The following RFK variants were observed in gnomAD, a reference collection of about 807,000 sequenced individuals.
The protein encoded by RFK is 0610038L10Rik.
In RFK, 4 loss-of-function variants were observed where a neutral mutation model predicts 17.6. That is an observed-to-expected ratio of 0.23 (90% CI 0.11 to 0.52). The LOEUF is 0.52. RFK is among the 20% of genes least tolerant of loss of function. The pLI, the probability that RFK is intolerant of heterozygous loss-of-function variation, is 0.96. For missense variants in RFK, 189 were observed against 187.7 expected, an observed-to-expected ratio of 1.01 and a Z score of -0.04; for synonymous variants, 59 against 63.8, an observed-to-expected ratio of 0.92 and a Z score of 0.36.
Position 76,394,347 on chromosome 9 carries a change from G to A in RFK, c.-176C>T, listed in dbSNP as rs1822863762. ...CCACAGGCCACTGCGAATCCCTGAC[G>A]CCGCCGACCCAACAAATACCGCCGG... On this transcript the variant is annotated 5_prime_UTR_variant, in exon 1 of 4. Coordinates refer to ENST00000376736, the MANE Select transcript of RFK (RefSeq NM_018339.6). 7.3e-6 allele frequency: 4 copies of A among 544,484 alleles called. No individual in the cohort carries two copies. Among genetic ancestry groups the A allele is most frequent in the African/African-American group, 6.1e-5 (3 of 49,396 alleles). 33.7% of individuals were successfully genotyped at this position (544,484 alleles called of 1,614,324 possible).
chr9:76,385,899 T>C lies in RFK; in HGVS notation c.*1500A>G, dbSNP rs1045526132. On this transcript the variant is annotated 3_prime_UTR_variant, in exon 4 of 4. Transcript: ENST00000376736. ...AAAAACTGTTTTTGACATATTTTTA[T>C]AAAGAAATAAAAAGCAAAACGCAAT... 3 of 152,216 alleles carry C rather than the reference T, an allele frequency of 2.0e-5. No individual in the cohort carries two copies. Among genetic ancestry groups the C allele is most frequent in the Non-Finnish European group, 4.4e-5 (3 of 68,036 alleles). 9.4% of individuals were successfully genotyped at this position (152,216 alleles called of 1,614,324 possible). A position where few individuals can be genotyped will look rare whatever the true frequency, so the allele number is the denominator to read the frequency against.
chr9:76,390,726 C>CA (rs1554728131), intron 2 of RFK, among the ~76,000 whole-genome samples: 10 of 125,606 alleles, frequency 8.0e-5, no homozygotes, highest in East Asian at 3.7e-4. Flanking sequence ...AAAAAAAAAA[C>CA]CACACACACA....
chr9:76,390,131 A>G (rs1412114016), intron 2 of RFK, among the ~76,000 whole-genome samples: 1 of 152,232 alleles, frequency 6.6e-6, no homozygotes, highest in African/African-American at 2.4e-5. Flanking sequence ...TTGTGAAAGC[A>G]TGGTATTTTC....
intron 2 of RFK, among the ~76,000 whole-genome samples, chr9:76,390,828 G>GT (rs978726872): frequency 7.3e-6 from 1 of 137,000 alleles, no homozygotes; most frequent in Non-Finnish European, 1.6e-5. Context: ...TTTAAGGTCA[G>GT]TAAGATAACG....
At chr9:76,390,745 G>A (rs1229834939) in intron 2 of RFK, among the ~76,000 whole-genome samples, 2 of 129,696 alleles carry the variant, frequency 1.5e-5, no homozygotes, top group Non-Finnish European at 3.3e-5. Context: ...CACACACAAT[G>A]AAAGAAATTT....
chr9:76,393,874 C>T (rs1317782725), intron 1 of RFK: 1 of 553,266 alleles, frequency 1.8e-6, no homozygotes, highest in Non-Finnish European at 3.2e-6. Context: ...CACCCCTCAA[C>T]CCCGTCCCCG....
At position 76,392,597 on chromosome 9, in the gene RFK, T is replaced by C. The variant is rs757250340; in HGVS notation, c.83-28A>G. ...AAACAACAGAAGAAAATATTTTGAGTCTTACAAATTTCGTATTAAATGCCT... is the reference window on the plus strand; with the variant it reads ...AAACAACAGAAGAAAATATTTTGAGCCTTACAAATTTCGTATTAAATGCCT... On this transcript the variant is annotated intron_variant, in intron 1 of 3. Transcript: ENST00000376736. 6 of 1,612,572 alleles carry C rather than the reference T, an allele frequency of 3.7e-6. No homozygotes were observed. In the South Asian group the frequency reaches 6.6e-5, roughly 18 times the overall value.
At chr9:76,387,791 G>A (rs1052886024) in intron 3 of RFK, 26 of 298,988 alleles carry the variant, frequency 8.7e-5, no homozygotes, top group African/African-American at 6.5e-5. Flanking sequence ...CCTGAAGTCC[G>A]GAGTTCGAGA....
intron 3 of RFK, 181 bp downstream of exon 3, chr9:76,388,373 T>C (rs988716335): frequency 2.3e-5 from 15 of 643,450 alleles, no homozygotes; most frequent in Non-Finnish European, 3.9e-5. Context: ...ATCTGAGAAA[T>C]AGGCAAAATA....
Position 76,388,600 on chromosome 9 carries a change from C to A in RFK, c.291G>T (p.Val97=). 1.2e-6 allele frequency: 2 copies of A among 1,611,328 alleles called. No homozygotes were observed. The highest frequency in any genetic ancestry group is 1.7e-6 in the Non-Finnish European group (2 of 1,177,676). ...KEDFYGEILN[V]AIVGYLRPEK... ...CTGGTCTCAGGTAGCCAACAATGGC[C>A]ACATTGAGGATTTCCCCATAGAAGT... The change falls in exon 3 of 4, where the codon GTG becomes GTT. Residue 97 remains valine (V), a synonymous_variant. Coordinates refer to ENST00000376736, the MANE Select transcript of RFK (RefSeq NM_018339.6).
chr9:76,393,869 C>T (rs1360879860), intron 1 of RFK: 2 of 551,244 alleles, frequency 3.6e-6, no homozygotes, highest in African/African-American at 4.0e-5. Context: ...CTCACCACCC[C>T]TCAACCCCGT....
At chr9:76,389,547 G>A (rs1235231139) in intron 2 of RFK, among the ~76,000 whole-genome samples, 1 of 152,130 alleles carries the variant, frequency 6.6e-6, no homozygotes, top group Non-Finnish European at 1.5e-5. Context: ...ATCACTTGAG[G>A]TCAAGAGTTC....
chr9:76,392,368 T>A (rs1460699254), intron 2 of RFK, 50 bp downstream of exon 2: 1 of 1,584,382 alleles, frequency 6.3e-7, no homozygotes. Flanking sequence ...TAATATATTA[T>A]TCTAAGTCAT....
chr9:76,391,475 T>C (rs765966309), intron 2 of RFK, among the ~76,000 whole-genome samples: 1 of 152,184 alleles, frequency 6.6e-6, no homozygotes, highest in Non-Finnish European at 1.5e-5. Flanking sequence ...CCATCCTCCA[T>C]CCACCATCCA....
At position 76,388,601 on chromosome 9, in the gene RFK, A is replaced by C. The variant is rs17845105; in HGVS notation, c.290T>G (p.Val97Gly). ...TGGTCTCAGGTAGCCAACAATGGCCACATTGAGGATTTCCCCATAGAAGTC... is the reference window on the plus strand; with the variant it reads ...TGGTCTCAGGTAGCCAACAATGGCCCCATTGAGGATTTCCCCATAGAAGTC... ...KEDFYGEILN[V>G]AIVGYLRPEK... The change falls in exon 3 of 4, where the codon GTG (valine) becomes GGG (glycine). Residue 97 changes from valine (V) to glycine (G), a missense_variant. This residue lies in a region of RFK where 95 missense variants were observed against 95.7 expected (regional missense o/e 0.99). Coordinates refer to ENST00000376736, the MANE Select transcript of RFK (RefSeq NM_018339.6). 6.2e-7 allele frequency: 1 copy of C among 1,612,536 alleles called. No homozygotes were observed. Among genetic ancestry groups the C allele is most frequent in the African/African-American group, 1.3e-5 (1 of 74,940 alleles).
intron 2 of RFK, among the ~76,000 whole-genome samples, chr9:76,391,116 T>C (rs1280252278): frequency 6.6e-6 from 1 of 152,196 alleles, no homozygotes; most frequent in Non-Finnish European, 1.5e-5. Flanking sequence ...TCGATTGTTT[T>C]CCTTGTCTCC....
In RFK at chr9:76,387,543, A is replaced by G; in HGVS notation, c.338-14T>C. The G allele has an allele frequency of 6.3e-7, 1 of 1,595,384 alleles. No individual in the cohort carries two copies. The highest frequency in any genetic ancestry group is 8.5e-7 in the Non-Finnish European group (1 of 1,175,486). On this transcript the variant is annotated splice_polypyrimidine_tract_variant and intron_variant, in intron 3 of 3. Coordinates refer to ENST00000376736, the MANE Select transcript of RFK (RefSeq NM_018339.6). ...AAATAAGTGACTCTGCAGAGAGAAT[A>G]TACCAGGTAAAAATGATGAAAAACC...
At chr9:76,393,812 A>G (rs1030883410) in intron 1 of RFK, 2 of 489,622 alleles carry the variant, frequency 4.1e-6, no homozygotes, top group African/African-American at 4.0e-5. Context: ...TGGCTGGCCA[A>G]GGAGGCGTGA....
At position 76,386,413 on chromosome 9, in the gene RFK, G is replaced by A. The variant is rs1822732742; in HGVS notation, c.*986C>T. ...GCTCTTAAATAGTTTTGCTAGGGAGGAAACATTTTGTGTTCTTTAAGAAAT... is the reference window on the plus strand; with the variant it reads ...GCTCTTAAATAGTTTTGCTAGGGAGAAAACATTTTGTGTTCTTTAAGAAAT... On this transcript the variant is annotated 3_prime_UTR_variant, in exon 4 of 4. Coordinates refer to ENST00000376736, the MANE Select transcript of RFK (RefSeq NM_018339.6). 1 of 152,082 alleles carries A rather than the reference G, an allele frequency of 6.6e-6. No individual in the cohort carries two copies. The highest frequency in any genetic ancestry group is 2.4e-5 in the African/African-American group (1 of 41,400). The allele number at this position is 152,082 out of a possible 1,614,324, so 9.4% of individuals were successfully genotyped here. A position where few individuals can be genotyped will look rare whatever the true frequency, so the allele number is the denominator to read the frequency against.
Sources: gnomAD v4.1 joint callset for allele counts (sites outside exome capture counted in the v4.1 genomes callset) on GRCh38, gnomAD v4.1.1 for gene constraint, gnomAD v4.1.1 regional missense constraint, MANE v1.5 for transcripts, NCBI Gene and HGNC (gene_info 2026-07-23, HGNC 2026-07-21) for gene names.